The following ZNF608 variants were observed in gnomAD, a reference collection of about 807,000 sequenced individuals.
The protein encoded by ZNF608 is zinc finger protein 608, also known as renal carcinoma antigen NY-REN-36.
Under a neutral mutation model 109.0 loss-of-function variants are expected in ZNF608, and 12 were observed. The ratio of observed to expected loss-of-function variants is 0.11; its 90% CI spans 0.07 to 0.18. ZNF608 has a LOEUF of 0.18. Ranked by LOEUF, ZNF608 falls within the 10% of genes least tolerant of loss-of-function variation. ZNF608 has a pLI of 1.00. For missense variants in ZNF608, 1,707 were observed against 1,879.3 expected (o/e 0.91, Z 1.70); for synonymous variants, 732 against 717.4 (o/e 1.02, Z -0.33).
intron 2 of ZNF608, among the ~76,000 whole-genome samples, chr5:124,731,880 C>T (rs1352498376): frequency 2.0e-5 from 3 of 152,150 alleles, no homozygotes; most frequent in Non-Finnish European, 2.9e-5. Flanking sequence ...AAAATCCAGT[C>T]TCTTTCCTCA....
chr5:124,659,231 T>C (rs1751147013), intron 3 of ZNF608, among the ~76,000 whole-genome samples: 1 of 150,758 alleles, frequency 6.6e-6, no homozygotes, highest in African/African-American at 2.4e-5. Context: ...AAAAAACAGG[T>C]AAAGAGAACA....
intron 3 of ZNF608, among the ~76,000 whole-genome samples, chr5:124,675,367 T>C (rs1391211639): frequency 1.3e-5 from 2 of 152,192 alleles, no homozygotes; most frequent in Non-Finnish European, 2.9e-5. Flanking sequence ...TCTGGAGCCT[T>C]CCAACCTAAC....
chr5:124,645,337 C>A (rs1329625146), intron 5 of ZNF608, among the ~76,000 whole-genome samples: 1 of 152,228 alleles, frequency 6.6e-6, no homozygotes, highest in Non-Finnish European at 1.5e-5. Context: ...TTATATAAAT[C>A]TTCTGCAGCC....
At chr5:124,707,360 C>T (rs1007673414) in intron 2 of ZNF608, among the ~76,000 whole-genome samples, 18 of 152,176 alleles carry the variant, frequency 1.2e-4, no homozygotes, top group African/African-American at 4.1e-4. Context: ...GAGATTCCCT[C>T]CTTTACCTGG....
chr5:124,708,741 T>G, intron 2 of ZNF608: 2 of 456,256 alleles, frequency 4.4e-6, no homozygotes, highest in South Asian at 3.1e-5. Context: ...TGCCCTCAAG[T>G]GCTGTTCAGG....
intron 2 of ZNF608, chr5:124,708,841 C>G (rs1287290850): frequency 2.3e-6 from 1 of 442,324 alleles, no homozygotes; most frequent in East Asian, 7.0e-5. Context: ...GCTTCCACCT[C>G]CAGCCAGAAC....
intron 1 of ZNF608, 71 bp from the exon 2 acceptor site, chr5:124,745,243 G>A: frequency 7.7e-7 from 1 of 1,305,098 alleles, no homozygotes; most frequent in Non-Finnish European, 9.8e-7. Context: ...GATTAGTATT[G>A]GGGAATCAGT....
intron 3 of ZNF608, among the ~76,000 whole-genome samples, chr5:124,684,327 C>T (rs1752318414): frequency 6.6e-6 from 1 of 152,130 alleles, no homozygotes; most frequent in Non-Finnish European, 1.5e-5. Context: ...TTATGTACTC[C>T]AACCTCCACC....
At chr5:124,639,089 GA>G in intron 9 of ZNF608, 43 bp downstream of exon 9, 3 of 1,579,322 alleles carry the variant, frequency 1.9e-6, no homozygotes, top group Non-Finnish European at 2.6e-6. Flanking sequence ...CAACCATTAA[GA>G]TATTTCTATC....
chr5:124,689,104 G>A (rs1275300343), intron 3 of ZNF608, among the ~76,000 whole-genome samples: 1 of 152,186 alleles, frequency 6.6e-6, no homozygotes, highest in Non-Finnish European at 1.5e-5. Flanking sequence ...AGATGTATAT[G>A]AGAAAAGCTA....
intron 2 of ZNF608, among the ~76,000 whole-genome samples, chr5:124,716,068 G>A (rs183514320): frequency 1.9e-4 from 28 of 151,002 alleles, no homozygotes; most frequent in Non-Finnish European, 3.5e-4. Flanking sequence ...GCCTGAACCC[G>A]GGAGGCGGAG....
rs140519566 is a variant in ZNF608, at chr5:124,656,487, A to C, written c.1163-6790T>G. On this transcript the variant is annotated intron_variant, in intron 3 of 9. Transcript: ENST00000513986. ...TGGTGTTATTTTCAGGGCATTAGGA[A>C]CAGGGTTTGTTTATGGGAGGGTAGT... Among the ~76,000 whole-genome samples the C allele has an allele frequency of 6.6e-5, 10 of 152,254 alleles. No individual in the cohort carries two copies. The East Asian group carries it at 1.2e-3, about 18-fold the overall frequency.
intron 2 of ZNF608, among the ~76,000 whole-genome samples, chr5:124,724,634 G>GTA (rs1293997891): frequency 1.3e-5 from 2 of 151,006 alleles, no homozygotes; most frequent in African/African-American, 2.5e-5. Flanking sequence ...GTGTGTGTGT[G>GTA]TACACAACCA....
chr5:124,640,815 C>A (rs116229762), intron 8 of ZNF608, among the ~76,000 whole-genome samples: 1 of 152,178 alleles, frequency 6.6e-6, no homozygotes, highest in Non-Finnish European at 1.5e-5. Flanking sequence ...AAGTGTTAAA[C>A]CTGATCACAT....
rs570098614 is a variant in ZNF608 at position 124,690,248 on chromosome 5, CAGA to C, written c.1162+10763_1162+10765del. On this transcript the variant is annotated intron_variant, in intron 3 of 9. Transcript: ENST00000513986. ...GAAGGAGAGATGAGTAAGTGGAGCA[CAGA>C]AGATTTTTAGGGCAGTGCAAATACT... is the stretch of plus-strand genomic sequence containing the variant. Among the ~76,000 whole-genome samples the C allele has an allele frequency of 1.1e-3, 160 of 152,264 alleles. 1 individual carries two copies. Among genetic ancestry groups the C allele is most frequent in the Middle Eastern group, 3.4e-3 (1 of 294 alleles).
chr5:124,640,322 T>C (rs774450245), intron 8 of ZNF608, among the ~76,000 whole-genome samples: 1 of 152,178 alleles, frequency 6.6e-6, no homozygotes, highest in African/African-American at 2.4e-5. Flanking sequence ...GTAATTAAGG[T>C]TAAATCAGGT....
chr5:124,642,250 A>G (rs1263324361), intron 7 of ZNF608, among the ~76,000 whole-genome samples: 1 of 152,228 alleles, frequency 6.6e-6, no homozygotes, highest in Non-Finnish European at 1.5e-5. Context: ...CTAGGACTAG[A>G]GCAGTCACCT....
In ZNF608 at chr5:124,637,810, G is replaced by C. The variant is rs1265000937; in HGVS notation, c.*90C>G. The C allele has an allele frequency of 1.5e-6, 2 of 1,358,584 alleles. No individual in the cohort carries two copies. Among genetic ancestry groups the C allele is most frequent in the Non-Finnish European group, 2.0e-6 (2 of 977,598 alleles). The allele number at this position is 1,358,584 out of a possible 1,614,324, so 84.2% of individuals were successfully genotyped here. On this transcript the variant is annotated 3_prime_UTR_variant, in exon 10 of 10. Coordinates refer to ENST00000513986, the MANE Select transcript of ZNF608 (RefSeq NM_020747.3). ...TGACTGGTTTTTGCCTGCCATTAAG[G>C]CATTTCAAATTAACACCATGGAACT...
At chr5:124,729,775 T>A (rs1242217549) in intron 2 of ZNF608, among the ~76,000 whole-genome samples, 1 of 152,238 alleles carries the variant, frequency 6.6e-6, no homozygotes, top group African/African-American at 2.4e-5. Context: ...TTGAAATCTT[T>A]CCAGTTTTTA....
Sources: allele counts gnomAD v4.1 joint callset (sites outside exome capture counted in the v4.1 genomes callset), GRCh38; gene constraint gnomAD v4.1.1; transcripts MANE v1.5; gene names NCBI Gene and HGNC (gene_info 2026-07-23, HGNC 2026-07-21).